The following ZPLD1 variants were observed in gnomAD, a reference collection of about 807,000 sequenced individuals.
ZPLD1 encodes the protein zona pellucida like domain containing 1.
ZPLD1 carries 34 observed loss-of-function variants against 47.2 expected under a neutral mutation model. That is an observed-to-expected ratio of 0.72 (90% CI 0.55 to 0.96). ZPLD1 has a LOEUF of 0.96. Ranked by LOEUF, ZPLD1 falls within the 40% of genes least tolerant of loss-of-function variation. The pLI, the probability that ZPLD1 is intolerant of heterozygous loss-of-function variation, is 0.00. For synonymous variants in ZPLD1, 176 were observed against 186.2 expected (o/e 0.95, Z 0.45); for missense variants, 512 against 505.8 (o/e 1.01, Z -0.12).
chr3:102,409,578 T>C (rs1271485810), intron 7 of ZPLD1, among the ~76,000 whole-genome samples: 1 of 151,886 alleles, frequency 6.6e-6, no homozygotes, highest in Non-Finnish European at 1.5e-5. Flanking sequence ...TTTCAGATTA[T>C]ATGGAGTATT....
At chr3:102,438,708 A>C in intron 3 of ZPLD1, 115 bp downstream of exon 3, 3 of 642,746 alleles carry the variant, frequency 4.7e-6, no homozygotes, top group African/African-American at 1.8e-5. Context: ...CATTAAGTGG[A>C]TATTAACAAA....
chr3:102,437,019 T>C (rs1427677685), intron 2 of ZPLD1, 46 bp downstream of exon 2: 7 of 850,622 alleles, frequency 8.2e-6, no homozygotes, highest in Middle Eastern at 1.2e-3. Flanking sequence ...CTTTCTTTTC[T>C]AGTGTCTTCC....
intron 7 of ZPLD1, among the ~76,000 whole-genome samples, chr3:102,403,139 A>T (rs1706642664): frequency 6.6e-6 from 1 of 151,928 alleles, no homozygotes; most frequent in South Asian, 2.1e-4. Flanking sequence ...ATTTTCACAA[A>T]TACGTTCATT....
chr3:102,393,562 A>T (rs941275794), intron 7 of ZPLD1, among the ~76,000 whole-genome samples: 2 of 151,924 alleles, frequency 1.3e-5, no homozygotes, highest in African/African-American at 4.8e-5. Flanking sequence ...TGACATTCTG[A>T]GGGCAAGAAG....
intron 7 of ZPLD1, among the ~76,000 whole-genome samples, chr3:102,413,627 G>C (rs72942849): frequency 6.6e-6 from 1 of 151,648 alleles, no homozygotes; most frequent in Non-Finnish European, 1.5e-5. Context: ...CTATAAATGG[G>C]CATACAAAAC....
rs1163102756 is a variant in ZPLD1 at position 102,470,411 on chromosome 3, A to G, written c.951A>G (p.Glu317=). ...PFLMPICSHR[E]RRDAGRRTTW... ...CACCTCAGATTTGCAGCCACAGAGAAAGGAGAGATGCTGGGAGGAGGACGA... is the reference window on the plus strand; with the variant it reads ...CACCTCAGATTTGCAGCCACAGAGAGAGGAGAGATGCTGGGAGGAGGACGA... Residue 317 remains glutamate, a synonymous_variant, in exon 10 of 12, where the codon GAA becomes GAG. Coordinates refer to ENST00000466937, the MANE Select transcript of ZPLD1 (RefSeq NM_001329788.2). 2.5e-6 allele frequency: 4 copies of G among 1,614,002 alleles called. No homozygotes were observed. Among genetic ancestry groups the G allele is most frequent in the Non-Finnish European group, 3.4e-6 (4 of 1,179,974 alleles).
chr3:102,435,365 TATC>T (rs1053630901), intron 1 of ZPLD1, among the ~76,000 whole-genome samples: 6 of 152,170 alleles, frequency 3.9e-5, no homozygotes, highest in African/African-American at 1.4e-4. Context: ...TCAGCACAAA[TATC>T]ATTGTAACTC....
At chr3:102,414,850 T>C (rs543287170) in intron 7 of ZPLD1, among the ~76,000 whole-genome samples, 1 of 151,954 alleles carries the variant, frequency 6.6e-6, no homozygotes, top group East Asian at 1.9e-4. Flanking sequence ...CTTAAAGTAA[T>C]AAATTCAGCA....
Position 102,420,005 on chromosome 3 carries a change from A to G in ZPLD1, c.-9+1798A>G, listed in dbSNP as rs370418466. ...GTTTGTCTTCATTGTAAAATGGTGT[A>G]GCTGGAAGCCAGACACAACAGCTTT... On this transcript the variant is annotated intron_variant, in intron 8 of 17. Transcript: ENST00000491959. Among the ~76,000 whole-genome samples, 79 of 151,420 alleles carry G rather than the reference A, an allele frequency of 5.2e-4. 1 individual carries two copies. Among genetic ancestry groups the G allele is most frequent in the African/African-American group, 1.9e-3 (77 of 41,308 alleles).
At chr3:102,386,248 C>T (rs1706423430) in intron 6 of ZPLD1, among the ~76,000 whole-genome samples, 1 of 151,586 alleles carries the variant, frequency 6.6e-6, no homozygotes, top group African/African-American at 2.4e-5. Context: ...AATACCTATG[C>T]CTGGGCCTCC....
chr3:102,461,292 A>G (rs1707503388), intron 6 of ZPLD1, among the ~76,000 whole-genome samples: 1 of 151,998 alleles, frequency 6.6e-6, no homozygotes, highest in Non-Finnish European at 1.5e-5. Flanking sequence ...CTGTTAAATG[A>G]TGTGACTGCT....
At chr3:102,476,107 G>A (rs1263108575) in intron 10 of ZPLD1, among the ~76,000 whole-genome samples, 1 of 152,098 alleles carries the variant, frequency 6.6e-6, no homozygotes, top group African/African-American at 2.4e-5. Flanking sequence ...CTTCTGTGAG[G>A]ATGAAATGTG....
intron 4 of ZPLD1, among the ~76,000 whole-genome samples, chr3:102,455,440 A>C (rs1006069643): frequency 2.0e-5 from 3 of 152,244 alleles, no homozygotes; most frequent in East Asian, 1.9e-4. Context: ...TTGAACCCCC[A>C]AAACCCATCT....
chr3:102,390,171 C>T (rs1460051093), intron 6 of ZPLD1, among the ~76,000 whole-genome samples: 4 of 152,116 alleles, frequency 2.6e-5, no homozygotes, highest in Non-Finnish European at 5.9e-5. Flanking sequence ...CTCAAATAAA[C>T]GTACAATCTA....
intron 7 of ZPLD1, among the ~76,000 whole-genome samples, chr3:102,407,721 A>G (rs1243108272): frequency 1.3e-5 from 2 of 151,628 alleles, no homozygotes; most frequent in African/African-American, 4.8e-5. Context: ...ACCATCAGGC[A>G]ATGATCAGAG....
chr3:102,445,504 A>C (rs1408283451), intron 3 of ZPLD1, among the ~76,000 whole-genome samples: 4 of 152,210 alleles, frequency 2.6e-5, no homozygotes, highest in Non-Finnish European at 5.9e-5. Context: ...GTCAAAATAC[A>C]AAGCTGTGAC....
intron 6 of ZPLD1, among the ~76,000 whole-genome samples, chr3:102,460,578 T>C (rs1220143000): frequency 6.6e-6 from 1 of 151,916 alleles, no homozygotes; most frequent in Non-Finnish European, 1.5e-5. Context: ...AGTCAGCAAA[T>C]ATTAAATAAG....
chr3:102,413,459 GTC>G (rs1706769079), intron 7 of ZPLD1, among the ~76,000 whole-genome samples: 1 of 151,770 alleles, frequency 6.6e-6, no homozygotes, highest in Admixed American at 6.6e-5. Flanking sequence ...CTTATGAAAA[GTC>G]TGTATTTTAA....
chr3:102,433,446 A>G (rs1013596682), upstream of ZPLD1, among the ~76,000 whole-genome samples: 3 of 152,230 alleles, frequency 2.0e-5, no homozygotes, highest in African/African-American at 7.2e-5. Context: ...CACATATAAA[A>G]GTATTTAAAA....
Sources: allele counts gnomAD v4.1 joint callset (sites outside exome capture counted in the v4.1 genomes callset), GRCh38; gene constraint gnomAD v4.1.1; transcripts MANE v1.5; gene names NCBI Gene and HGNC (gene_info 2026-07-23, HGNC 2026-07-21).